ANKS1B: variants seen among roughly 807,000 people sequenced by gnomAD.
The protein encoded by ANKS1B is ankyrin repeat and sterile alpha motif domain containing 1B.
ANKS1B carries 36 observed loss-of-function variants against 148.3 expected under a neutral mutation model. The ratio of observed to expected loss-of-function variants is 0.24; its 90% CI spans 0.19 to 0.32. The LOEUF (loss-of-function observed/expected upper bound fraction) is 0.32. Among genes scored for constraint, ANKS1B ranks in the 10% least tolerant of loss-of-function variants. The pLI, the probability that ANKS1B is intolerant of heterozygous loss-of-function variation, is 1.00. For synonymous variants in ANKS1B, 542 were observed against 560.8 expected (o/e 0.97, Z 0.47); for missense variants, 1,157 against 1,542.6 (o/e 0.75, Z 4.19).
chr12:99,904,677 T>C (rs2093719498), intron 1 of ANKS1B, among the ~76,000 whole-genome samples: 1 of 152,188 alleles, frequency 6.6e-6, no homozygotes, highest in South Asian at 2.1e-4. Context: ...GAAACCATAA[T>C]GGAGCATCTG....
At chr12:99,970,324 T>C (rs1308203934) in intron 1 of ANKS1B, among the ~76,000 whole-genome samples, 2 of 152,112 alleles carry the variant, frequency 1.3e-5, no homozygotes, top group African/African-American at 2.4e-5. Context: ...TATGAAGACT[T>C]TGAAATAGCA....
chr12:99,601,284 A>G, intron 9 of ANKS1B, among the ~76,000 whole-genome samples: 1 of 152,016 alleles, frequency 6.6e-6, no homozygotes, highest in Non-Finnish European at 1.5e-5. Context: ...ACCTGTGTAA[A>G]TTTTTCTAAC....
intron 17 of ANKS1B, chr12:98,893,580 T>A (rs2099757206): frequency 6.6e-6 from 1 of 152,078 alleles, no homozygotes; most frequent in African/African-American, 2.4e-5. Context: ...TTTCCTGTAG[T>A]TTTCCCTTTC....
chr12:98,844,740 C>A (rs2099436949), intron 17 of ANKS1B, among the ~76,000 whole-genome samples: 1 of 152,148 alleles, frequency 6.6e-6, no homozygotes, highest in Non-Finnish European at 1.5e-5. Flanking sequence ...GTTGGGGGAC[C>A]ACTGATTGAA....
chr12:98,932,770 A>G (rs2099814853), intron 17 of ANKS1B, among the ~76,000 whole-genome samples: 1 of 152,170 alleles, frequency 6.6e-6, no homozygotes. Context: ...ATAAGAATAA[A>G]TTGATTTTTT....
intron 14 of ANKS1B, among the ~76,000 whole-genome samples, chr12:99,185,776 G>A (rs1048595086): frequency 1.3e-4 from 20 of 152,314 alleles, no homozygotes; most frequent in African/African-American, 3.1e-4. Flanking sequence ...CAGTGCCTAT[G>A]CCACAAGGGC....
intron 11 of ANKS1B, among the ~76,000 whole-genome samples, chr12:99,409,933 T>C (rs958696999): frequency 6.6e-6 from 1 of 152,250 alleles, no homozygotes; most frequent in Non-Finnish European, 1.5e-5. Context: ...CTTGTGTTCG[T>C]TGTGGCTTCT....
At chr12:98,903,123 G>T (rs977687261) in intron 17 of ANKS1B, among the ~76,000 whole-genome samples, 1 of 152,060 alleles carries the variant, frequency 6.6e-6, no homozygotes, top group Non-Finnish European at 1.5e-5. Flanking sequence ...GAAGGACAAA[G>T]GAAGAAAGAA....
intron 14 of ANKS1B, among the ~76,000 whole-genome samples, chr12:99,224,787 G>T (rs1601832425): frequency 6.6e-6 from 1 of 152,114 alleles, no homozygotes; most frequent in African/African-American, 2.4e-5. Flanking sequence ...GACCAACCCA[G>T]GTCATACAGT....
At chr12:99,899,991 C>A (rs897407379) in intron 1 of ANKS1B, among the ~76,000 whole-genome samples, 1 of 151,778 alleles carries the variant, frequency 6.6e-6, no homozygotes, top group Non-Finnish European at 1.5e-5. Flanking sequence ...CTCCGCTTCC[C>A]GGGTTCAAGC....
chr12:99,751,484 A>G (rs1413772615), intron 8 of ANKS1B, among the ~76,000 whole-genome samples: 1 of 152,046 alleles, frequency 6.6e-6, no homozygotes, highest in African/African-American at 2.4e-5. Flanking sequence ...TTCTGAAGAA[A>G]CAGATGAAAA....
intron 14 of ANKS1B, among the ~76,000 whole-genome samples, chr12:99,201,921 C>CTTCATTCA (rs150033450): frequency 0.43 from 64,265 of 151,062 alleles, 13,974 homozygotes; most frequent in Middle Eastern, 0.52. Flanking sequence ...TAATATTTGA[C>CTTCATTCA]TTCATTCATT....
intron 8 of ANKS1B, among the ~76,000 whole-genome samples, chr12:99,674,447 AAG>A (rs1320970331): frequency 6.6e-6 from 1 of 151,874 alleles, no homozygotes; most frequent in East Asian, 1.9e-4. Flanking sequence ...TAAAAGAAAG[AAG>A]AGAAGAGCTA....
chr12:98,738,840 T>A (rs930215373), intron 9 of ANKS1B, among the ~76,000 whole-genome samples: 1 of 152,212 alleles, frequency 6.6e-6, no homozygotes, highest in Non-Finnish European at 1.5e-5. Flanking sequence ...GATGTTCTTA[T>A]ATTCACCTTC....
chr12:99,642,453 A>T (rs2098318526), intron 9 of ANKS1B, among the ~76,000 whole-genome samples: 1 of 152,220 alleles, frequency 6.6e-6, no homozygotes, highest in African/African-American at 2.4e-5. Flanking sequence ...TATTGGGATC[A>T]AAAGTTTAAA....
chr12:99,937,842 G>A (rs2094818633), intron 1 of ANKS1B, among the ~76,000 whole-genome samples: 1 of 152,062 alleles, frequency 6.6e-6, no homozygotes, highest in African/African-American at 2.4e-5. Flanking sequence ...CTAGTAGGTG[G>A]GTGATGGTAG....
chr12:98,879,164 C>T (rs2099699848), intron 17 of ANKS1B, among the ~76,000 whole-genome samples: 1 of 152,100 alleles, frequency 6.6e-6, no homozygotes, highest in Admixed American at 6.5e-5. Context: ...ATGTATTGAC[C>T]TTTGTGGACC....
At chr12:99,626,657 A>G (rs1285686611) in intron 9 of ANKS1B, among the ~76,000 whole-genome samples, 1 of 152,150 alleles carries the variant, frequency 6.6e-6, no homozygotes, top group African/African-American at 2.4e-5. Context: ...CACCTTTATA[A>G]TAGGTCAAGC....
intron 9 of ANKS1B, among the ~76,000 whole-genome samples, chr12:99,612,161 A>G (rs1471296557): frequency 6.6e-6 from 1 of 152,124 alleles, no homozygotes; most frequent in Non-Finnish European, 1.5e-5. Context: ...AAGTCATGAC[A>G]TGTACGGGTT....
Sources: gnomAD v4.1 joint callset for allele counts (sites outside exome capture counted in the v4.1 genomes callset) on GRCh38, gnomAD v4.1.1 for gene constraint, MANE v1.5 for transcripts, NCBI Gene and HGNC (gene_info 2026-07-23, HGNC 2026-07-21) for gene names.